The following PARD3 variants were observed in gnomAD, a reference collection of about 807,000 sequenced individuals.
PARD3 encodes the protein partitioning defective 3 homolog.
PARD3 carries 75 observed loss-of-function variants against 155.4 expected under a neutral mutation model. That is an observed-to-expected ratio of 0.48 (90% CI 0.40 to 0.58). PARD3 has a LOEUF of 0.58. PARD3 is among the 20% of genes least tolerant of loss of function. The pLI, the probability that PARD3 is intolerant of heterozygous loss-of-function variation, is 0.00. For missense variants in PARD3, 1,642 were observed against 1,721.7 expected (o/e 0.95, Z 0.82); for synonymous variants, 576 against 610.5 (o/e 0.94, Z 0.83).
chr10:34,485,641 T>C (rs1589743277), intron 3 of PARD3, among the ~76,000 whole-genome samples: 1 of 152,118 alleles, frequency 6.6e-6, no homozygotes, highest in Non-Finnish European at 1.5e-5. Flanking sequence ...AGTATCTGGG[T>C]TAATATAAGG....
intron 19 of PARD3, among the ~76,000 whole-genome samples, chr10:34,318,950 A>T (rs1958195365): frequency 6.7e-6 from 1 of 148,524 alleles, no homozygotes. Context: ...TATTTTTAGT[A>T]GTTTTGTATT....
chr10:34,556,428 G>A (rs1031699463), intron 2 of PARD3, among the ~76,000 whole-genome samples: 1 of 150,004 alleles, frequency 6.7e-6, no homozygotes, highest in Non-Finnish European at 1.5e-5. Flanking sequence ...TGTCGCCCAG[G>A]CTAGAGTGCA....
intron 1 of PARD3, among the ~76,000 whole-genome samples, chr10:34,780,948 C>T (rs1319119057): frequency 3.9e-5 from 6 of 152,188 alleles, no homozygotes; most frequent in Non-Finnish European, 7.3e-5. Flanking sequence ...ACAGCTATAA[C>T]GGGAAACATA....
At position 34,359,218 on chromosome 10, in the gene PARD3, T is replaced by C. The variant is rs753918175; in HGVS notation, c.1996A>G (p.Met666Val). 6.2e-6 allele frequency: 10 copies of C among 1,613,718 alleles called. No individual in the cohort carries two copies. The highest frequency in any genetic ancestry group is 2.2e-5 in the South Asian group (2 of 91,074). Reference sequence around the variant, plus strand: ...CCTCGTTTATTGCCTTCAGTAGACATAGACCTTCTTAGGGTTTCCATGGCA... The same window carrying C: ...CCTCGTTTATTGCCTTCAGTAGACACAGACCTTCTTAGGGTTTCCATGGCA... ...QDAMETLRRS[M>V]STEGNKRGMI... Residue 666 changes from methionine to valine, a missense_variant, in exon 14 of 25, where the codon ATG becomes GTG. This residue lies in a region of PARD3 where 1,529 missense variants were observed against 1,587.3 expected (regional missense o/e 0.96). Transcript: ENST00000374788.
rs1459670863 is a variant in PARD3, at chr10:34,614,307, AG to A, written c.222+82010del. 2.0e-5 allele frequency among the ~76,000 whole-genome samples: 3 copies of A among 152,352 alleles called. No individual in the cohort carries two copies. The East Asian group carries it at 5.8e-4, about 29-fold the overall frequency. The stretch of plus-strand genomic sequence containing the variant: ...GTTGGCGCTAAAAAAACAGCTAACC[AG>A]AGCAGAAGCTCTGGAAACTAATTGA... On this transcript the variant is annotated intron_variant, in intron 2 of 24. Transcript: ENST00000374788.
intron 2 of PARD3, among the ~76,000 whole-genome samples, chr10:34,536,917 G>T (rs1426806033): frequency 6.6e-6 from 1 of 152,158 alleles, no homozygotes; most frequent in Non-Finnish European, 1.5e-5. Flanking sequence ...CCCCTAGGTG[G>T]GTAACTGAGC....
At chr10:34,549,303 AATT>A (rs1237028218) in intron 2 of PARD3, among the ~76,000 whole-genome samples, 7 of 152,206 alleles carry the variant, frequency 4.6e-5, no homozygotes, top group African/African-American at 1.7e-4. Flanking sequence ...TATTTTAAAT[AATT>A]TTTTCCTTTG....
intron 7 of PARD3, among the ~76,000 whole-genome samples, chr10:34,397,653 T>C (rs1424016998): frequency 2.0e-5 from 3 of 152,228 alleles, no homozygotes; most frequent in Non-Finnish European, 4.4e-5. Flanking sequence ...TTACTCTCCA[T>C]TTGCTTTAGG....
At chr10:34,396,222 T>C (rs866942982) in intron 7 of PARD3, among the ~76,000 whole-genome samples, 4 of 151,974 alleles carry the variant, frequency 2.6e-5, no homozygotes, top group African/African-American at 9.7e-5. Flanking sequence ...TGGTAGCATA[T>C]GCCTGTAGTC....
In PARD3 at chr10:34,250,468, T is replaced by G. The variant is rs186838349; in HGVS notation, c.3419+19189A>C. Reference sequence around the variant, plus strand: ...AACCTTTAAATCATACCTAGCTAATTAAAACAACTCAAATGCATTCATTTA... The same window carrying G: ...AACCTTTAAATCATACCTAGCTAATGAAAACAACTCAAATGCATTCATTTA... On this transcript the variant is annotated intron_variant, in intron 22 of 24. Transcript: ENST00000374788. 9.4e-4 allele frequency among the ~76,000 whole-genome samples: 143 copies of G among 152,308 alleles called. 2 individuals carry two copies. The highest frequency in any genetic ancestry group is 6.8e-3 in the Middle Eastern group (2 of 294).
At chr10:34,459,671 G>T (rs1340038768) in intron 4 of PARD3, among the ~76,000 whole-genome samples, 1 of 152,000 alleles carries the variant, frequency 6.6e-6, no homozygotes, top group Non-Finnish European at 1.5e-5. Flanking sequence ...ACATTATTTA[G>T]ATGTGCATCA....
chr10:34,270,379 G>C (rs1273476863), intron 21 of PARD3, among the ~76,000 whole-genome samples: 2 of 152,112 alleles, frequency 1.3e-5, no homozygotes, highest in Non-Finnish European at 2.9e-5. Flanking sequence ...CTGAGCTCCA[G>C]TGATCCTCCT....
At chr10:34,516,369 T>C (rs2081766293) in intron 3 of PARD3, among the ~76,000 whole-genome samples, 1 of 152,188 alleles carries the variant, frequency 6.6e-6, no homozygotes, top group African/African-American at 2.4e-5. Flanking sequence ...GTAGCAAAAA[T>C]ACCTGACTTT....
At chr10:34,770,486 A>G (rs530989736) in intron 1 of PARD3, among the ~76,000 whole-genome samples, 2 of 152,314 alleles carry the variant, frequency 1.3e-5, no homozygotes, top group African/African-American at 4.8e-5. Context: ...CAGACTTTTC[A>G]TCCTAGAGGC....
At chr10:34,802,932 G>A in intron 1 of PARD3, among the ~76,000 whole-genome samples, 1 of 151,788 alleles carries the variant, frequency 6.6e-6, no homozygotes, top group East Asian at 1.9e-4. Context: ...GGTATTAAAA[G>A]GTAGGACTCC....
intron 14 of PARD3, among the ~76,000 whole-genome samples, chr10:34,352,160 A>T (rs1838158004): frequency 6.6e-6 from 1 of 152,226 alleles, no homozygotes. Context: ...AATTACAGTA[A>T]TTTCTACAAA....
At chr10:34,765,124 C>A (rs1469026756) in intron 1 of PARD3, among the ~76,000 whole-genome samples, 1 of 152,068 alleles carries the variant, frequency 6.6e-6, no homozygotes, top group African/African-American at 2.4e-5. Context: ...CCCCTTCCCC[C>A]AAAAAGATAC....
At chr10:34,410,073 G>A (rs973521028) in intron 5 of PARD3, among the ~76,000 whole-genome samples, 11 of 152,112 alleles carry the variant, frequency 7.2e-5, no homozygotes, top group African/African-American at 2.7e-4. Flanking sequence ...AAACTGTCTT[G>A]TAACTATTAA....
At chr10:34,542,334 C>T (rs1393953698) in intron 2 of PARD3, among the ~76,000 whole-genome samples, 1 of 151,740 alleles carries the variant, frequency 6.6e-6, no homozygotes, top group Admixed American at 6.6e-5. Flanking sequence ...GCAATTTTGC[C>T]CCCAGGGGAC....
Sources: gnomAD v4.1 joint callset for allele counts (sites outside exome capture counted in the v4.1 genomes callset) on GRCh38, gnomAD v4.1.1 for gene constraint, gnomAD v4.1.1 regional missense constraint, MANE v1.5 for transcripts, NCBI Gene and HGNC (gene_info 2026-07-23, HGNC 2026-07-21) for gene names.